Variants in CEP112 observed in about 807,000 individuals in gnomAD.
CEP112 encodes centrosomal protein 112.
In CEP112, 127 loss-of-function variants were observed where a neutral mutation model predicts 153.0. That is an observed-to-expected ratio of 0.83 (90% CI 0.72 to 0.96). The LOEUF (loss-of-function observed/expected upper bound fraction) is 0.96, where lower values mean the gene tolerates loss of function less well. Ranked by LOEUF, CEP112 falls within the 40% of genes least tolerant of loss-of-function variation. The probability of loss-of-function intolerance (pLI) is 0.00; values close to 1 mark genes in which losing one functional copy is unlikely to be tolerated. For synonymous variants in CEP112, 358 were observed against 374.4 expected (o/e 0.96, Z 0.51); for missense variants, 1,089 against 1,101.2 (o/e 0.99, Z 0.16).
chr17:65,644,432 G>A, intron 24 of CEP112: 1 of 478,936 alleles, frequency 2.1e-6, no homozygotes, highest in African/African-American at 2.0e-5. Flanking sequence ...TAGCTCGGTT[G>A]CATTTATAAT....
At chr17:65,902,116 C>T (rs1345502328) in intron 20 of CEP112, 36 bp downstream of exon 20, 1 of 1,511,782 alleles carries the variant, frequency 6.6e-7, no homozygotes, top group Non-Finnish European at 9.1e-7. Flanking sequence ...TTTTTAAAAA[C>T]AGATACCCGT....
At chr17:66,175,249 C>A in intron 3 of CEP112, 33 bp from the exon 4 acceptor site, 2 of 1,471,258 alleles carry the variant, frequency 1.4e-6, no homozygotes, top group South Asian at 1.5e-5. Flanking sequence ...ATTATTCTTT[C>A]AAAATGTACT....
intron 21 of CEP112, among the ~76,000 whole-genome samples, chr17:65,843,789 T>C (rs2057613961): frequency 6.6e-6 from 1 of 152,170 alleles, no homozygotes; most frequent in Admixed American, 6.5e-5. Flanking sequence ...GTAGAGCACA[T>C]TGTAGAAAAC....
intron 20 of CEP112, among the ~76,000 whole-genome samples, chr17:65,859,499 C>A (rs1206652241): frequency 1.3e-5 from 2 of 148,982 alleles, no homozygotes; most frequent in Non-Finnish European, 3.0e-5. Context: ...TCTGAATACA[C>A]AGAAAAACAT....
intron 5 of CEP112, among the ~76,000 whole-genome samples, chr17:66,132,113 G>A (rs1380510759): frequency 7.6e-6 from 1 of 131,684 alleles, no homozygotes; most frequent in African/African-American, 2.9e-5. Context: ...AGGTTGCAGT[G>A]AGCCAAGATT....
At chr17:66,000,852 G>C (rs2064013133) in intron 17 of CEP112, among the ~76,000 whole-genome samples, 1 of 152,180 alleles carries the variant, frequency 6.6e-6, no homozygotes, top group Non-Finnish European at 1.5e-5. Context: ...CCCCATGATG[G>C]GGTCTTCATG....
chr17:65,920,359 C>CAAAAAAAAAAA (rs1555713306), intron 19 of CEP112, among the ~76,000 whole-genome samples: 1 of 29,830 alleles, frequency 3.4e-5, no homozygotes, highest in African/African-American at 1.3e-4. Flanking sequence ...AACAAACAAA[C>CAAAAAAAAAAA]AAAATATATA....
chr17:65,965,912 A>G (rs1356856029), intron 17 of CEP112, among the ~76,000 whole-genome samples: 2 of 152,210 alleles, frequency 1.3e-5, no homozygotes, highest in Non-Finnish European at 2.9e-5. Context: ...ATGGTAATGA[A>G]GCAGAAATGA....
chr17:65,654,062 A>AAAAAAAAAAAAAAAAAAAAG, intron 24 of CEP112, among the ~76,000 whole-genome samples: 1 of 149,082 alleles, frequency 6.7e-6, no homozygotes, highest in Non-Finnish European at 1.5e-5. Context: ...CCATCAAAAA[A>AAAAAAAAAAAAAAAAAAAAG]AAAAAAAAAA....
chr17:65,869,544 A>G (rs1466755385), intron 20 of CEP112, among the ~76,000 whole-genome samples: 1 of 151,836 alleles, frequency 6.6e-6, no homozygotes, highest in East Asian at 1.9e-4. Context: ...AGGAGAGGAC[A>G]GAACTTAACA....
chr17:66,179,807 C>A lies in CEP112; in HGVS notation c.107-2787G>T, dbSNP rs182395402. Among the ~76,000 whole-genome samples, 107 of 152,178 alleles carry A rather than the reference C, an allele frequency of 7.0e-4. 1 individual carries two copies. The highest frequency in any genetic ancestry group is 3.1e-3 in the Admixed American group (48 of 15,284). Reference sequence around the variant, plus strand: ...GCTTTCAGTTTTTCCCCATCCAGTACAATACTAGCTATGGGTCTGTCATAT... The same window carrying A: ...GCTTTCAGTTTTTCCCCATCCAGTAAAATACTAGCTATGGGTCTGTCATAT... On this transcript the variant is annotated intron_variant, in intron 2 of 26. Coordinates refer to ENST00000535342, the MANE Select transcript of CEP112 (RefSeq NM_001199165.4).
intron 3 of CEP112, chr17:66,176,582 C>A (rs991759268): frequency 6.5e-6 from 2 of 306,884 alleles, no homozygotes; most frequent in Non-Finnish European, 1.2e-5. Context: ...TAAAAAATTT[C>A]GTTTTCAGTT....
intron 20 of CEP112, among the ~76,000 whole-genome samples, chr17:65,873,966 T>C (rs2058744080): frequency 6.6e-6 from 1 of 152,204 alleles, no homozygotes; most frequent in Non-Finnish European, 1.5e-5. Flanking sequence ...GTAGATGCTG[T>C]TGATTAAAAT....
At chr17:65,829,232 T>C (rs2056976541) in intron 21 of CEP112, among the ~76,000 whole-genome samples, 2 of 152,348 alleles carry the variant, frequency 1.3e-5, no homozygotes, top group South Asian at 4.1e-4. Context: ...TTTATTTTTT[T>C]ACCATGTCTC....
chr17:65,817,536 A>C (rs973251819), intron 21 of CEP112, among the ~76,000 whole-genome samples: 1 of 151,908 alleles, frequency 6.6e-6, no homozygotes, highest in South Asian at 2.1e-4. Context: ...TTCCTCCAAA[A>C]ATTGTCTTTC....
At chr17:66,091,633 A>G (rs1244375463) in intron 8 of CEP112, among the ~76,000 whole-genome samples, 1 of 152,148 alleles carries the variant, frequency 6.6e-6, no homozygotes, top group Non-Finnish European at 1.5e-5. Context: ...AATAACTTCT[A>G]AAAGAACAAT....
intron 18 of CEP112, among the ~76,000 whole-genome samples, chr17:65,952,233 A>G (rs372450533): frequency 5.9e-5 from 9 of 152,282 alleles, no homozygotes; most frequent in South Asian, 2.1e-4. Context: ...CATAAGTGGC[A>G]TAAGTACAAA....
chr17:66,136,309 C>T lies in CEP112; in HGVS notation c.471-3546G>A, dbSNP rs919447952. Among the ~76,000 whole-genome samples, 6 of 151,938 alleles carry T rather than the reference C, an allele frequency of 3.9e-5. No individual in the cohort carries two copies. In the South Asian group the frequency reaches 1.0e-3, roughly 26 times the overall value. On this transcript the variant is annotated intron_variant, in intron 4 of 26. Transcript: ENST00000535342. ...CCAGTCCCAACTTCTCCCTGGGGAA[C>T]GAAAAAGCTGAAGCATCTGTCCAAC...
chr17:65,770,660 G>A lies in CEP112; in HGVS notation c.2395-19936C>T, dbSNP rs73342873. Among the ~76,000 whole-genome samples the A allele has an allele frequency of 2.4e-3, 366 of 152,082 alleles. 1 individual carries two copies. Among genetic ancestry groups the A allele is most frequent in the Middle Eastern group, 0.01 (3 of 294 alleles). ...TTAAAGCAATAATAACAAATTGCGA[G>A]GTTTATAATACTTGCAGAAACATAG... is the stretch of plus-strand genomic sequence containing the variant. On this transcript the variant is annotated intron_variant, in intron 21 of 26. Transcript: ENST00000535342.
Sources: allele counts gnomAD v4.1 joint callset (sites outside exome capture counted in the v4.1 genomes callset), GRCh38; gene constraint gnomAD v4.1.1; transcripts MANE v1.5; gene names NCBI Gene and HGNC (gene_info 2026-07-23, HGNC 2026-07-21).